The following CNBD1 variants were observed in gnomAD, a reference collection of about 807,000 sequenced individuals.
The protein encoded by CNBD1 is cyclic nucleotide binding domain containing 1, also known as cyclic nucleotide-binding domain-containing protein 1.
CNBD1 carries 71 observed loss-of-function variants against 54.4 expected under a neutral mutation model. The observed-to-expected ratio is 1.30, with a 90% CI of 1.08 to 1.59. CNBD1 has a LOEUF of 1.59. CNBD1 is among the 40% of genes most tolerant of loss of function. The probability of loss-of-function intolerance (pLI) is 0.00; values close to 1 mark genes in which losing one functional copy is unlikely to be tolerated. For missense variants in CNBD1, 659 were observed against 518.0 expected, an observed-to-expected ratio of 1.27 and a Z score of -2.64; for synonymous variants, 182 against 170.7, an observed-to-expected ratio of 1.07 and a Z score of -0.51.
chr8:87,228,570 G>T (rs1234304866), intron 5 of CNBD1, among the ~76,000 whole-genome samples: 2 of 150,782 alleles, frequency 1.3e-5, no homozygotes, highest in Non-Finnish European at 2.9e-5. Context: ...AGGGGTCAGG[G>T]ACCCACTTGA....
intron 8 of CNBD1, among the ~76,000 whole-genome samples, chr8:87,349,718 C>T (rs950805175): frequency 6.6e-6 from 1 of 152,094 alleles, no homozygotes; most frequent in Non-Finnish European, 1.5e-5. Context: ...AGTTTTTTGC[C>T]TAGGTCAGGA....
chr8:87,094,082 C>T (rs933149236), intron 4 of CNBD1, among the ~76,000 whole-genome samples: 2 of 152,160 alleles, frequency 1.3e-5, no homozygotes, highest in Admixed American at 6.5e-5. Context: ...CTCTATCCTC[C>T]TCACCCCTTA....
intron 4 of CNBD1, among the ~76,000 whole-genome samples, chr8:86,958,393 C>A (rs1003007463): frequency 6.6e-6 from 1 of 152,118 alleles, no homozygotes; most frequent in Non-Finnish European, 1.5e-5. Context: ...ACATTAACTT[C>A]CTGTCTTGTT....
chr8:87,396,618 T>C (rs1305726044), intron 2 of CNBD1, among the ~76,000 whole-genome samples: 1 of 151,848 alleles, frequency 6.6e-6, no homozygotes, highest in African/African-American at 2.4e-5. Flanking sequence ...ATTTATTTGA[T>C]ATTTTCATTT....
intron 2 of CNBD1, among the ~76,000 whole-genome samples, chr8:87,411,411 T>C (rs1311922429): frequency 7.2e-6 from 1 of 139,250 alleles, no homozygotes; most frequent in Admixed American, 7.4e-5. Flanking sequence ...TATATATATA[T>C]ATATATATAT....
At chr8:86,917,774 T>C (rs529158392) in intron 3 of CNBD1, among the ~76,000 whole-genome samples, 1 of 152,252 alleles carries the variant, frequency 6.6e-6, no homozygotes, top group East Asian at 1.9e-4. Context: ...ACTACAATCA[T>C]GTAAGCAATC....
chr8:87,334,719 CTTTTCTTT>C (rs762777690), intron 8 of CNBD1, among the ~76,000 whole-genome samples: 1,746 of 126,170 alleles, frequency 0.014, 41 homozygotes, highest in African/African-American at 0.049. Context: ...TTTCTTTTTT[CTTTTCTTT>C]TTTTTTTTTT....
chr8:87,079,193 C>A (rs1464009459), intron 4 of CNBD1, among the ~76,000 whole-genome samples: 1 of 151,838 alleles, frequency 6.6e-6, no homozygotes, highest in African/African-American at 2.4e-5. Context: ...TAATCTGTTA[C>A]TTTTTAATAA....
At chr8:87,025,395 T>C (rs562430694) in intron 4 of CNBD1, among the ~76,000 whole-genome samples, 1 of 152,310 alleles carries the variant, frequency 6.6e-6, no homozygotes, top group Non-Finnish European at 1.5e-5. Flanking sequence ...ACACAACCTT[T>C]GTGAGCTATA....
intron 6 of CNBD1, among the ~76,000 whole-genome samples, chr8:87,256,469 A>C (rs1451221893): frequency 6.6e-6 from 1 of 152,050 alleles, no homozygotes; most frequent in African/African-American, 2.4e-5. Flanking sequence ...TGGGAACCTG[A>C]GCAGTGAAGA....
chr8:86,964,808 G>T (rs531215723), intron 4 of CNBD1, among the ~76,000 whole-genome samples: 59 of 152,274 alleles, frequency 3.9e-4, no homozygotes, highest in African/African-American at 1.2e-3. Context: ...ATTGACCCTT[G>T]CAGCCTCTCC....
intron 4 of CNBD1, among the ~76,000 whole-genome samples, chr8:87,202,061 A>AAT (rs1813875123): frequency 6.6e-6 from 1 of 152,236 alleles, no homozygotes; most frequent in Admixed American, 6.5e-5. Context: ...TATGTAGGCA[A>AAT]ATATATAAGC....
chr8:87,358,324 G>A (rs75371788), intron 10 of CNBD1, among the ~76,000 whole-genome samples: 3,676 of 152,122 alleles, frequency 0.024, 154 homozygotes, highest in African/African-American at 0.081. Flanking sequence ...AATGACATTT[G>A]TTAATTTTAT....
At chr8:87,355,109 C>A (rs1051527083) in intron 10 of CNBD1, among the ~76,000 whole-genome samples, 1 of 152,134 alleles carries the variant, frequency 6.6e-6, no homozygotes, top group Admixed American at 6.5e-5. Context: ...ATTTCACAGA[C>A]AAATTGGGAT....
Position 87,150,209 on chromosome 8 carries a change from G to T in CNBD1, c.432-55784G>T, listed in dbSNP as rs186172388. On this transcript the variant is annotated intron_variant, in intron 4 of 10. Transcript: ENST00000518476. ...AAACAAAAACAAAAACAAAAATCAG[G>T]TAGAAAACAGCTTTGTAGGATGGAA... Among the ~76,000 whole-genome samples, 82 of 151,918 alleles carry T rather than the reference G, an allele frequency of 5.4e-4. 1 individual carries two copies. Among genetic ancestry groups the T allele is most frequent in the African/African-American group, 1.8e-3 (73 of 41,440 alleles).
chr8:87,406,767 C>A lies in CNBD1; in HGVS notation c.214-21779C>A, dbSNP rs146242162. ...TGCTGGGATTACAGGGGAAAGCCAC[C>A]GTGCCCGGCCCTCAGTTTACATATT... On this transcript the variant is annotated intron_variant, in intron 2 of 7. Coordinates refer to the CNBD1 transcript ENST00000521593. 4.6e-5 allele frequency among the ~76,000 whole-genome samples: 7 copies of A among 152,134 alleles called. No individual in the cohort carries two copies. In the East Asian group the frequency reaches 1.4e-3, roughly 30 times the overall value.
chr8:86,948,808 C>A (rs147681960), intron 4 of CNBD1, among the ~76,000 whole-genome samples: 2 of 151,984 alleles, frequency 1.3e-5, no homozygotes, highest in South Asian at 2.1e-4. Flanking sequence ...CCTGTGCTTG[C>A]GGGTTATTAC....
rs141176438 is a variant in CNBD1 at position 86,961,076 on chromosome 8, T to C, written c.431+21322T>C. Among the ~76,000 whole-genome samples, 719 of 152,366 alleles carry C rather than the reference T, an allele frequency of 4.7e-3. 4 individuals are homozygous for C. Among genetic ancestry groups the C allele is most frequent in the African/African-American group, 0.017 (694 of 41,594 alleles). Reference sequence around the variant, plus strand: ...ATTTCTACTTTTATTTTACCAATAATTTTAAAGCTAGCCTGTTTATATATA... The same window carrying C: ...ATTTCTACTTTTATTTTACCAATAACTTTAAAGCTAGCCTGTTTATATATA... On this transcript the variant is annotated intron_variant, in intron 4 of 10. Transcript: ENST00000518476.
At chr8:87,076,681 A>G (rs1347042830) in intron 4 of CNBD1, among the ~76,000 whole-genome samples, 1 of 152,040 alleles carries the variant, frequency 6.6e-6, no homozygotes, top group Non-Finnish European at 1.5e-5. Context: ...TGACCTTGTG[A>G]TCTGCTTGCC....
Sources: gnomAD v4.1 joint callset for allele counts (sites outside exome capture counted in the v4.1 genomes callset) on GRCh38, gnomAD v4.1.1 for gene constraint, MANE v1.5 for transcripts, NCBI Gene and HGNC (gene_info 2026-07-23, HGNC 2026-07-21) for gene names.